Variants in CHST15 observed in about 807,000 individuals in gnomAD.
CHST15 encodes the protein carbohydrate sulfotransferase 15.
A neutral mutation model predicts 53.6 loss-of-function variants in CHST15; 30 were observed. The observed-to-expected ratio is 0.56, with a 90% CI of 0.42 to 0.76. CHST15 has a LOEUF of 0.76. Ranked by LOEUF, CHST15 falls within the 30% of genes least tolerant of loss-of-function variation. CHST15 has a pLI of 0.00. For synonymous variants in CHST15, 296 were observed against 289.8 expected (o/e 1.02, Z -0.22); for missense variants, 627 against 740.5 (o/e 0.85, Z 1.78).
At chr10:124,037,571 G>A (rs1297372804) in intron 5 of CHST15, among the ~76,000 whole-genome samples, 1 of 152,188 alleles carries the variant, frequency 6.6e-6, no homozygotes, top group African/African-American at 2.4e-5. Flanking sequence ...ATTGGAGGGA[G>A]CACTGGACCA....
At chr10:124,082,850 A>G (rs1159809721) in intron 1 of CHST15, among the ~76,000 whole-genome samples, 1 of 152,380 alleles carries the variant, frequency 6.6e-6, no homozygotes, top group East Asian at 1.9e-4. Context: ...TGCTCATACG[A>G]AAGTCCACAA....
chr10:124,083,013 T>A (rs1367596030), intron 1 of CHST15, among the ~76,000 whole-genome samples: 1 of 152,220 alleles, frequency 6.6e-6, no homozygotes, highest in African/African-American at 2.4e-5. Context: ...TTAGCTGTGG[T>A]AGTGGTTGCA....
chr10:124,078,291 T>A (rs945192500), intron 1 of CHST15, among the ~76,000 whole-genome samples: 5 of 152,182 alleles, frequency 3.3e-5, no homozygotes, highest in African/African-American at 1.2e-4. Flanking sequence ...CGCCCAACTC[T>A]ACCATCCAGC....
At chr10:124,072,279 C>A (rs1051454127) in intron 1 of CHST15, among the ~76,000 whole-genome samples, 1 of 152,220 alleles carries the variant, frequency 6.6e-6, no homozygotes, top group Admixed American at 6.5e-5. Context: ...TGGGGCTCTG[C>A]TGCTCAGGGA....
rs369833811 is a variant in CHST15 at position 124,042,461 on chromosome 10, G to C, written c.887-14C>G. Reference sequence around the variant, plus strand: ...GGCGGACGATTCCTATGAGAACCAAGAAGCAGGAGATACTGAGGACAAAGT... The same window carrying C: ...GGCGGACGATTCCTATGAGAACCAACAAGCAGGAGATACTGAGGACAAAGT... On this transcript the variant is annotated splice_polypyrimidine_tract_variant and intron_variant, in intron 3 of 7. Coordinates refer to ENST00000435907, the MANE Select transcript of CHST15 (RefSeq NM_001270764.2). 30 of 1,612,532 alleles carry C rather than the reference G, an allele frequency of 1.9e-5. No homozygotes were observed. In the African/African-American group the frequency reaches 3.2e-4, roughly 17 times the overall value.
intron 1 of CHST15, among the ~76,000 whole-genome samples, chr10:124,053,889 A>G (rs1010755023): frequency 2.0e-5 from 3 of 152,094 alleles, no homozygotes; most frequent in Non-Finnish European, 2.9e-5. Context: ...ACTGCACTCC[A>G]GCCTGTGCAA....
chr10:124,041,293 A>G (rs546587171), intron 4 of CHST15, among the ~76,000 whole-genome samples: 2 of 152,354 alleles, frequency 1.3e-5, no homozygotes, highest in South Asian at 4.1e-4. Context: ...GATCTAGGAA[A>G]ATTAAAAAAT....
intron 5 of CHST15, among the ~76,000 whole-genome samples, chr10:124,031,356 T>C (rs1450111579): frequency 2.0e-5 from 3 of 152,150 alleles, no homozygotes; most frequent in Admixed American, 6.5e-5. Flanking sequence ...GAGAAATGCA[T>C]CAGTAGGTGA....
chr10:124,080,371 G>C (rs971948087), intron 1 of CHST15, among the ~76,000 whole-genome samples: 1 of 152,228 alleles, frequency 6.6e-6, no homozygotes, highest in African/African-American at 2.4e-5. Context: ...AGAATCAACG[G>C]AGATGTCACC....
chr10:124,072,367 C>T (rs1204571093), intron 1 of CHST15, among the ~76,000 whole-genome samples: 1 of 152,170 alleles, frequency 6.6e-6, no homozygotes, highest in African/African-American at 2.4e-5. Context: ...TTCTCCTGAG[C>T]ATGCAGGAGG....
chr10:124,086,928 C>T (rs1564919806), intron 1 of CHST15, among the ~76,000 whole-genome samples: 2 of 152,292 alleles, frequency 1.3e-5, no homozygotes, highest in East Asian at 3.9e-4. Context: ...CCAGGCTCAA[C>T]CCACTACCTG....
In CHST15 at chr10:124,012,497, A is replaced by G; in HGVS notation, c.1348-17T>C. 6.2e-7 allele frequency: 1 copy of G among 1,602,916 alleles called. No homozygotes were observed. Among genetic ancestry groups the G allele is most frequent in the Non-Finnish European group, 8.5e-7 (1 of 1,171,710 alleles). On this transcript the variant is annotated splice_polypyrimidine_tract_variant and intron_variant, in intron 6 of 7. Transcript: ENST00000435907. Reference sequence around the variant, plus strand: ...GAGCCTCACCTAGGACCACAGAAGAAGGGCATTATTTCAGGAGCAGTTGCC... The same window carrying G: ...GAGCCTCACCTAGGACCACAGAAGAGGGGCATTATTTCAGGAGCAGTTGCC...
chr10:124,010,712 C>A lies in CHST15; in HGVS notation c.1496-373G>T, dbSNP rs564097863. On this transcript the variant is annotated intron_variant, in intron 7 of 7. Transcript: ENST00000435907. ...GGAACGTGCGGCCTGCCGAGCACAG[C>A]CCACGGGTTTCGGTTTTCCTGCTCA... 7.1e-6 allele frequency: 7 copies of A among 985,474 alleles called. No homozygotes were observed. In the Admixed American group the frequency reaches 3.1e-4, roughly 43 times the overall value. 61.0% of individuals were successfully genotyped at this position (985,474 alleles called of 1,614,324 possible).
intron 1 of CHST15, among the ~76,000 whole-genome samples, chr10:124,087,330 C>A (rs905626215): frequency 6.6e-6 from 1 of 152,184 alleles, no homozygotes; most frequent in Non-Finnish European, 1.5e-5. Flanking sequence ...ATGCCCTCCC[C>A]CTTGCTGGCC....
intron 1 of CHST15, among the ~76,000 whole-genome samples, chr10:124,073,270 G>A (rs1391709334): frequency 6.6e-6 from 1 of 152,184 alleles, no homozygotes; most frequent in African/African-American, 2.4e-5. Context: ...CTTCACCAGG[G>A]AAGAATCTCA....
intron 1 of CHST15, among the ~76,000 whole-genome samples, chr10:124,051,029 C>T (rs1260605267): frequency 7.9e-5 from 12 of 152,078 alleles, no homozygotes; most frequent in Admixed American, 6.5e-4. Context: ...CTGCAACCTC[C>T]GCCTCCTGGG....
At chr10:124,029,750 T>C (rs1002998074) in intron 5 of CHST15, among the ~76,000 whole-genome samples, 3 of 152,204 alleles carry the variant, frequency 2.0e-5, no homozygotes, top group Non-Finnish European at 4.4e-5. Context: ...TGCAGGGCAA[T>C]GGCCACTGCA....
intron 7 of CHST15, chr10:124,011,779 C>G (rs1011205747): frequency 6.1e-6 from 6 of 985,144 alleles, no homozygotes; most frequent in South Asian, 9.4e-5. Flanking sequence ...TGATCAGCAG[C>G]CAAAACTCAG....
intron 1 of CHST15, among the ~76,000 whole-genome samples, chr10:124,069,674 G>A (rs1258899674): frequency 6.6e-6 from 1 of 152,214 alleles, no homozygotes; most frequent in South Asian, 2.1e-4. Flanking sequence ...AGGCAGAGCA[G>A]GGGACCCAGA....
Sources: allele counts gnomAD v4.1 joint callset (sites outside exome capture counted in the v4.1 genomes callset), GRCh38; gene constraint gnomAD v4.1.1; transcripts MANE v1.5; gene names NCBI Gene and HGNC (gene_info 2026-07-23, HGNC 2026-07-21).